Variants in SNTG1 observed in about 807,000 individuals in gnomAD.
SNTG1 encodes the protein syntrophin gamma 1, also known as gamma-1-syntrophin.
SNTG1 carries 39 observed loss-of-function variants against 74.7 expected under a neutral mutation model. The ratio of observed to expected loss-of-function variants is 0.52; its 90% CI spans 0.40 to 0.68. SNTG1 has a LOEUF of 0.68. Ranked by LOEUF, SNTG1 falls within the 30% of genes least tolerant of loss-of-function variation. The probability of loss-of-function intolerance (pLI) is 0.00; values close to 1 mark genes in which losing one functional copy is unlikely to be tolerated. For synonymous variants in SNTG1, 254 were observed against 217.1 expected (o/e 1.17, Z -1.49); for missense variants, 685 against 609.5 (o/e 1.12, Z -1.30).
chr8:49,933,454 T>C (rs1370847348), intron 1 of SNTG1, among the ~76,000 whole-genome samples: 2 of 152,124 alleles, frequency 1.3e-5, no homozygotes, highest in Non-Finnish European at 2.9e-5. Context: ...TTTAACAGTT[T>C]AGCTTTTCCA....
chr8:50,229,480 A>C (rs34908431), intron 2 of SNTG1, among the ~76,000 whole-genome samples: 85,479 of 151,162 alleles, frequency 0.57, 27,860 homozygotes, highest in East Asian at 0.84. Flanking sequence ...AAGGAAAAAA[A>C]CCCAGACTTC....
In SNTG1 at chr8:50,115,616, G is replaced by T. The variant is rs561450122; in HGVS notation, c.-102-56945G>T. Among the ~76,000 whole-genome samples, 19 of 147,526 alleles carry T rather than the reference G, an allele frequency of 1.3e-4. No individual in the cohort carries two copies. The Middle Eastern group carries it at 0.011, about 82-fold the overall frequency. On this transcript the variant is annotated intron_variant, in intron 1 of 18. Coordinates refer to ENST00000642720, the MANE Select transcript of SNTG1 (RefSeq NM_018967.5). ...GATGGTTGAAGGCCTTTGTAGGAAA[G>T]TTGCTATGATACTCTGCAGTTAAGG...
At chr8:50,788,585 C>T (rs563756137) in intron 18 of SNTG1, among the ~76,000 whole-genome samples, 1 of 151,840 alleles carries the variant, frequency 6.6e-6, no homozygotes, top group South Asian at 2.1e-4. Flanking sequence ...TGCAAAAATT[C>T]AAAAAATTGC....
At chr8:50,551,461 A>G (rs1381920476) in intron 11 of SNTG1, among the ~76,000 whole-genome samples, 1 of 152,136 alleles carries the variant, frequency 6.6e-6, no homozygotes, top group Non-Finnish European at 1.5e-5. Context: ...AGCAGAGAAG[A>G]CAAATATGAT....
At position 50,672,209 on chromosome 8, in the gene SNTG1, A is replaced by G. The variant is rs571421160; in HGVS notation, c.1038+13546A>G. Among the ~76,000 whole-genome samples, 6 of 152,104 alleles carry G rather than the reference A, an allele frequency of 3.9e-5. No homozygotes were observed. The South Asian group carries it at 1.0e-3, about 26-fold the overall frequency. On this transcript the variant is annotated intron_variant, in intron 15 of 18. Transcript: ENST00000642720. ...TAAAGTATAATAATAATAAAAAAAA[A>G]TGTCTGGATCAAATGGTATTTCTGA...
At chr8:50,324,799 G>A (rs1015423368) in intron 2 of SNTG1, among the ~76,000 whole-genome samples, 6 of 151,578 alleles carry the variant, frequency 4.0e-5, no homozygotes, top group Non-Finnish European at 8.8e-5. Flanking sequence ...TATGCCTCTG[G>A]TTATATATCT....
At chr8:50,370,293 C>G (rs1014111007) in intron 2 of SNTG1, among the ~76,000 whole-genome samples, 1 of 152,192 alleles carries the variant, frequency 6.6e-6, no homozygotes, top group Non-Finnish European at 1.5e-5. Flanking sequence ...CAGAATACCA[C>G]TCTGCGACTG....
At chr8:50,235,244 A>T (rs1052077041) in intron 2 of SNTG1, among the ~76,000 whole-genome samples, 7 of 152,098 alleles carry the variant, frequency 4.6e-5, no homozygotes, top group African/African-American at 1.7e-4. Context: ...ATATGTGTAT[A>T]GTGGAATACT....
At chr8:50,254,430 G>T (rs2086784069) in intron 2 of SNTG1, among the ~76,000 whole-genome samples, 2 of 152,124 alleles carry the variant, frequency 1.3e-5, no homozygotes, top group South Asian at 4.1e-4. Context: ...TTGTTTTATA[G>T]CCTGAGTTTT....
chr8:50,529,121 T>TACTTTAAAATAATA (rs2094245589), intron 9 of SNTG1, among the ~76,000 whole-genome samples: 1 of 151,954 alleles, frequency 6.6e-6, no homozygotes, highest in East Asian at 1.9e-4. Flanking sequence ...TCAAAATGTA[T>TACTTTAAAATAATA]ATGCTTTAAA....
intron 2 of SNTG1, among the ~76,000 whole-genome samples, chr8:50,362,922 A>C (rs2092001119): frequency 6.6e-6 from 1 of 152,214 alleles, no homozygotes; most frequent in East Asian, 1.9e-4. Context: ...CATCTTCCTT[A>C]GTAAACACAG....
At chr8:50,692,418 A>T (rs1563750488) in intron 15 of SNTG1, among the ~76,000 whole-genome samples, 1 of 151,834 alleles carries the variant, frequency 6.6e-6, no homozygotes, top group Non-Finnish European at 1.5e-5. Context: ...TGACATACAG[A>T]TGGGTTTTTG....
chr8:50,508,779 C>A (rs2094034708), intron 9 of SNTG1, among the ~76,000 whole-genome samples: 1 of 152,030 alleles, frequency 6.6e-6, no homozygotes, highest in Admixed American at 6.6e-5. Context: ...TTGTTTTTTT[C>A]TTGTAAATTT....
At chr8:49,952,865 A>G (rs971982790) in intron 1 of SNTG1, among the ~76,000 whole-genome samples, 2 of 152,220 alleles carry the variant, frequency 1.3e-5, no homozygotes, top group Non-Finnish European at 2.9e-5. Context: ...TTGGCTAACT[A>G]GTTGAGTAGG....
chr8:50,628,207 C>A (rs1404913983), intron 13 of SNTG1, among the ~76,000 whole-genome samples: 5 of 150,222 alleles, frequency 3.3e-5, no homozygotes, highest in African/African-American at 4.9e-5. Flanking sequence ...AATGAAGCTA[C>A]TTTTTTTTTT....
intron 8 of SNTG1, among the ~76,000 whole-genome samples, chr8:50,477,970 C>T (rs1391943730): frequency 6.6e-5 from 10 of 152,110 alleles, no homozygotes; most frequent in Admixed American, 4.6e-4. Flanking sequence ...TGCTAATGGG[C>T]AATACATATA....
intron 12 of SNTG1, among the ~76,000 whole-genome samples, chr8:50,564,133 A>G (rs2094503052): frequency 6.6e-6 from 1 of 151,820 alleles, no homozygotes; most frequent in African/African-American, 2.4e-5. Flanking sequence ...TTTTTTTTAA[A>G]ATAGAAATAT....
chr8:50,676,655 A>T (rs1323256011), intron 15 of SNTG1, among the ~76,000 whole-genome samples: 1 of 151,694 alleles, frequency 6.6e-6, no homozygotes, highest in African/African-American at 2.4e-5. Flanking sequence ...TCTTTCTCAC[A>T]CTATTGTTTT....
At chr8:50,168,828 T>C (rs1351187635) in intron 1 of SNTG1, among the ~76,000 whole-genome samples, 4 of 152,180 alleles carry the variant, frequency 2.6e-5, no homozygotes, top group Non-Finnish European at 4.4e-5. Context: ...AGAGATCCAG[T>C]GTACACTTCA....
Sources: allele counts gnomAD v4.1 joint callset (sites outside exome capture counted in the v4.1 genomes callset), GRCh38; gene constraint gnomAD v4.1.1; transcripts MANE v1.5; gene names NCBI Gene and HGNC (gene_info 2026-07-23, HGNC 2026-07-21).